The following DHX30 variants were observed in gnomAD, a reference collection of about 807,000 sequenced individuals.
DHX30 encodes the protein DExH-box helicase 30, also known as ATP-dependent RNA helicase DHX30.
In DHX30, 4 loss-of-function variants were observed where a neutral mutation model predicts 116.9. That is an observed-to-expected ratio of 0.03 (90% CI 0.02 to 0.08). DHX30 has a LOEUF of 0.08. DHX30 is among the 10% of genes least tolerant of loss of function. The pLI is 1.00. For synonymous variants in DHX30, 697 were observed against 651.7 expected, an observed-to-expected ratio of 1.07 and a Z score of -1.06; for missense variants, 871 against 1,595.1, an observed-to-expected ratio of 0.55 and a Z score of 7.73.
At chr3:47,843,370 C>T in intron 9 of DHX30, 115 bp downstream of exon 9, 1 of 1,419,010 alleles carries the variant, frequency 7.0e-7, no homozygotes, top group Non-Finnish European at 9.5e-7. Flanking sequence ...AGGCCTTTTG[C>T]CTGGCACAAA....
chr3:47,833,060 T>A (rs2036935775), intron 6 of DHX30, among the ~76,000 whole-genome samples: 1 of 151,738 alleles, frequency 6.6e-6, no homozygotes, highest in Non-Finnish European at 1.5e-5. Context: ...GCTGGGATTA[T>A]AGGTGTGAGT....
chr3:47,828,972 C>T, intron 5 of DHX30, 52 bp from the exon 6 acceptor site: 1 of 1,142,742 alleles, frequency 8.8e-7, no homozygotes, highest in South Asian at 1.3e-5. Context: ...TAATTTGCAA[C>T]AACTCTAGTC....
At chr3:47,815,954 T>C in intron 3 of DHX30, 1 of 983,746 alleles carries the variant, frequency 1.0e-6, no homozygotes, top group Non-Finnish European at 1.2e-6. Flanking sequence ...TTTTTTTTTT[T>C]CAATCCAGCA....
chr3:47,818,530 G>A (rs888799182), intron 4 of DHX30, among the ~76,000 whole-genome samples: 1 of 152,174 alleles, frequency 6.6e-6, no homozygotes, highest in Non-Finnish European at 1.5e-5. Flanking sequence ...TTCCATCTTG[G>A]AGGCTTTGGG....
At position 47,806,812 on chromosome 3, in the gene DHX30, C is replaced by T. The variant is rs529182853; in HGVS notation, c.-28+1392C>T. 4.6e-5 allele frequency among the ~76,000 whole-genome samples: 7 copies of T among 151,898 alleles called. No individual in the cohort carries two copies. In the South Asian group the frequency reaches 1.0e-3, roughly 22 times the overall value. On this transcript the variant is annotated intron_variant, in intron 2 of 21. Coordinates refer to ENST00000445061, the MANE Select transcript of DHX30 (RefSeq NM_138615.3). The stretch of plus-strand genomic sequence containing the variant: ...TTCACCATCTTGGCCAGAATGGGCT[C>T]GAACTCCTGACCTCAGGCAATCTGC...
At chr3:47,825,036 C>A in intron 4 of DHX30, 1 of 651,472 alleles carries the variant, frequency 1.5e-6, no homozygotes, top group South Asian at 1.6e-5. Flanking sequence ...TCGGCGGGAG[C>A]ACGATGGCGG....
At chr3:47,829,574 C>A (rs1023864910) in intron 6 of DHX30, among the ~76,000 whole-genome samples, 5 of 151,586 alleles carry the variant, frequency 3.3e-5, no homozygotes, top group Non-Finnish European at 5.9e-5. Context: ...GAACTCCTGA[C>A]CTCAAGTGAT....
At chr3:47,809,493 C>T (rs1385507332) in intron 2 of DHX30, among the ~76,000 whole-genome samples, 1 of 152,084 alleles carries the variant, frequency 6.6e-6, no homozygotes, top group African/African-American at 2.4e-5. Flanking sequence ...ATCCGCCCAC[C>T]TCGGCCTCCC....
At chr3:47,825,543 G>A (rs1006082013) in intron 4 of DHX30, among the ~76,000 whole-genome samples, 11 of 152,244 alleles carry the variant, frequency 7.2e-5, no homozygotes, top group Non-Finnish European at 1.5e-4. Context: ...GTGGCCAAGG[G>A]CTAGAGCTTC....
rs1461324384 is a variant in DHX30 at position 47,849,433 on chromosome 3, T to G, written c.3088-18T>G. On this transcript the variant is annotated intron_variant, in intron 19 of 21. Transcript: ENST00000445061. The stretch of plus-strand genomic sequence containing the variant: ...GCTCCTTGCTCAGCCCCACCCGTCT[T>G]TTCCTCCATCCCTGCAGGTGAGGCA... 10 of 1,570,794 alleles carry G rather than the reference T, an allele frequency of 6.4e-6. No individual in the cohort carries two copies. Among genetic ancestry groups the G allele is most frequent in the Non-Finnish European group, 7.8e-6 (9 of 1,155,598 alleles).
intron 4 of DHX30, among the ~76,000 whole-genome samples, chr3:47,820,269 G>A (rs1468717872): frequency 6.6e-6 from 1 of 151,614 alleles, no homozygotes; most frequent in Non-Finnish European, 1.5e-5. Context: ...AGCTGAGATC[G>A]CACCACTACA....
At chr3:47,808,373 C>T (rs1003901271) in intron 2 of DHX30, among the ~76,000 whole-genome samples, 6 of 151,770 alleles carry the variant, frequency 4.0e-5, no homozygotes, top group Non-Finnish European at 8.8e-5. Context: ...TGTACCACCA[C>T]ACCTGGCTAA....
chr3:47,817,577 T>C (rs2036114020), intron 3 of DHX30, among the ~76,000 whole-genome samples: 1 of 152,086 alleles, frequency 6.6e-6, no homozygotes, highest in Non-Finnish European at 1.5e-5. Context: ...GAAAGAATGA[T>C]TTGAGATTTG....
At chr3:47,843,444 C>T (rs1291281658) in intron 9 of DHX30, among the ~76,000 whole-genome samples, 189 bp downstream of exon 9, 1 of 152,212 alleles carries the variant, frequency 6.6e-6, no homozygotes, top group Non-Finnish European at 1.5e-5. Flanking sequence ...TTCCAGAGGC[C>T]CTGTGGAGAT....
At chr3:47,827,248 A>C in intron 4 of DHX30, 99 bp from the exon 5 acceptor site, 1 of 1,301,846 alleles carries the variant, frequency 7.7e-7, no homozygotes, top group Non-Finnish European at 1.0e-6. Flanking sequence ...TCATGAGCCA[A>C]CATCCTCAGA....
chr3:47,828,587 T>C (rs1357267818), intron 5 of DHX30, among the ~76,000 whole-genome samples: 1 of 150,796 alleles, frequency 6.6e-6, no homozygotes, highest in Non-Finnish European at 1.5e-5. Flanking sequence ...CTGGCTAACA[T>C]AGTGAAATCC....
intron 19 of DHX30, 35 bp downstream of exon 19, chr3:47,849,384 T>TC: frequency 2.3e-5 from 37 of 1,591,536 alleles, no homozygotes; most frequent in Non-Finnish European, 3.2e-5. Context: ...GTTCACCAGG[T>TC]CCCAGCCTCC....
At chr3:47,816,903 G>A (rs944571925) in intron 3 of DHX30, 42 of 946,246 alleles carry the variant, frequency 4.4e-5, no homozygotes, top group Non-Finnish European at 5.1e-5. Context: ...ATAGGTATAG[G>A]CACTCAATTT....
In DHX30 at chr3:47,849,250, G is replaced by A. The variant is rs747893286; in HGVS notation, c.2988G>A (p.Ser996=). 4.2e-5 allele frequency: 68 copies of A among 1,614,002 alleles called. No individual in the cohort carries two copies. The highest frequency in any genetic ancestry group is 4.8e-5 in the Non-Finnish European group (57 of 1,180,034). The stretch of plus-strand genomic sequence containing the variant: ...AGGCCTTCCTGGTGGGGAAGCCCTC[G>A]GACTGCACCCTGGCCTCCGCCCAGT... ...IYEAFLVGKP[S]DCTLASAQCN... is the part of the protein sequence containing the mutation. The change falls in exon 19 of 22, where the codon TCG becomes TCA. Residue 996 remains serine, a synonymous_variant. Transcript: ENST00000445061.
Sources: allele counts gnomAD v4.1 joint callset (sites outside exome capture counted in the v4.1 genomes callset), GRCh38; gene constraint gnomAD v4.1.1; transcripts MANE v1.5; gene names NCBI Gene and HGNC (gene_info 2026-07-23, HGNC 2026-07-21).